The following PPM1D variants were observed in gnomAD, a reference collection of about 807,000 sequenced individuals.
PPM1D encodes protein phosphatase, Mg2+/Mn2+ dependent 1D, also known as protein phosphatase 1D.
PPM1D carries 52 observed loss-of-function variants against 58.3 expected under a neutral mutation model. The ratio of observed to expected loss-of-function variants is 0.89; its 90% CI spans 0.71 to 1.12. The LOEUF (loss-of-function observed/expected upper bound fraction) is 1.12. PPM1D is among the 50% of genes most tolerant of loss of function. PPM1D has a pLI of 0.00. For synonymous variants in PPM1D, 278 were observed against 285.1 expected, an observed-to-expected ratio of 0.98 and a Z score of 0.25; for missense variants, 564 against 777.2, an observed-to-expected ratio of 0.73 and a Z score of 3.26.
intron 2 of PPM1D, among the ~76,000 whole-genome samples, chr17:60,627,252 T>A (rs972951698): frequency 2.0e-5 from 3 of 152,166 alleles, no homozygotes; most frequent in African/African-American, 7.2e-5. Context: ...TCTTAGAAAC[T>A]CTGTTTGTTC....
intron 3 of PPM1D, among the ~76,000 whole-genome samples, chr17:60,645,582 A>ATATATATGTATATATATG (rs1555647684): frequency 7.7e-6 from 1 of 129,754 alleles, no homozygotes; most frequent in Non-Finnish European, 1.5e-5. Flanking sequence ...GTATATATAT[A>ATATATATGTATATATATG]TGTGTGTATA....
intron 4 of PPM1D, among the ~76,000 whole-genome samples, chr17:60,652,039 C>T (rs1005099057): frequency 5.3e-5 from 8 of 152,186 alleles, no homozygotes; most frequent in East Asian, 1.9e-4. Flanking sequence ...TTAAAAAATT[C>T]GAAGTATACT....
Position 60,636,176 on chromosome 17 carries a change from T to A in PPM1D, c.826+2199T>A, listed in dbSNP as rs140067475. On this transcript the variant is annotated intron_variant, in intron 3 of 5. Transcript: ENST00000305921. Reference sequence around the variant, plus strand: ...AAAGACATTTTGACTTCTACCTTGCTTTCTTGATCACTTGCTGTAGGGAAC... The same window carrying A: ...AAAGACATTTTGACTTCTACCTTGCATTCTTGATCACTTGCTGTAGGGAAC... Among the ~76,000 whole-genome samples, 322 of 152,366 alleles carry A rather than the reference T, an allele frequency of 2.1e-3. 1 individual carries two copies. Among genetic ancestry groups the A allele is most frequent in the African/African-American group, 7.3e-3 (302 of 41,586 alleles).
intron 2 of PPM1D, among the ~76,000 whole-genome samples, chr17:60,626,364 G>A (rs1270829703): frequency 6.6e-5 from 10 of 151,450 alleles, no homozygotes; most frequent in Non-Finnish European, 1.2e-4. Context: ...TTAAAAAAGA[G>A]GTGTCTCAAT....
intron 2 of PPM1D, among the ~76,000 whole-genome samples, chr17:60,629,186 G>T (rs937813856): frequency 6.6e-6 from 1 of 152,210 alleles, no homozygotes; most frequent in African/African-American, 2.4e-5. Flanking sequence ...CATCTTGGTA[G>T]GGAAGTTGTT....
At chr17:60,628,454 A>G (rs1050145144) in intron 2 of PPM1D, among the ~76,000 whole-genome samples, 3 of 152,138 alleles carry the variant, frequency 2.0e-5, no homozygotes, top group Non-Finnish European at 4.4e-5. Context: ...ATCCATCATT[A>G]TAGTATCATG....
Position 60,663,165 on chromosome 17 carries a change from T to C in PPM1D, c.1431T>C (p.Asn477=), listed in dbSNP as rs1204909934. The C allele has an allele frequency of 2.5e-6, 4 of 1,614,174 alleles. No homozygotes were observed. Among genetic ancestry groups the C allele is most frequent in the Non-Finnish European group, 3.4e-6 (4 of 1,180,008 alleles). Reference sequence around the variant, plus strand: ...AAGATCCAGAACCACTTGAAGAAAATTGCGCTAAAGCCCTGACTTTAAGGA... The same window carrying C: ...AAGATCCAGAACCACTTGAAGAAAACTGCGCTAAAGCCCTGACTTTAAGGA... ...PSKDPEPLEE[N]CAKALTLRIH... Residue 477 remains asparagine (N), a synonymous_variant, in exon 6 of 6, where the codon AAT becomes AAC. Transcript: ENST00000305921.
intron 1 of PPM1D, among the ~76,000 whole-genome samples, chr17:60,602,729 A>G (rs915048914): frequency 8.0e-5 from 12 of 150,444 alleles, no homozygotes; most frequent in Non-Finnish European, 1.3e-4. Flanking sequence ...GAAAAATGTT[A>G]AAGTTTGTTT....
chr17:60,656,580 C>T lies in PPM1D; in HGVS notation c.1018-19C>T. 6.2e-7 allele frequency: 1 copy of T among 1,610,166 alleles called. No homozygotes were observed. Among genetic ancestry groups the T allele is most frequent in the Non-Finnish European group, 8.5e-7 (1 of 1,176,990 alleles). On this transcript the variant is annotated intron_variant, in intron 4 of 5. Transcript: ENST00000305921. Reference sequence around the variant, plus strand: ...CTAAATCTGAGTTACTTTCCTTCTCCTTGTTCTTTTGAATACAGGGTGAGC... The same window carrying T: ...CTAAATCTGAGTTACTTTCCTTCTCTTTGTTCTTTTGAATACAGGGTGAGC...
intron 1 of PPM1D, among the ~76,000 whole-genome samples, chr17:60,610,748 G>A (rs1010358442): frequency 1.3e-5 from 2 of 152,152 alleles, no homozygotes; most frequent in Non-Finnish European, 2.9e-5. Context: ...GTATTTTCTG[G>A]TCTTTCATAG....
chr17:60,600,833 C>G lies in PPM1D; in HGVS notation c.419C>G (p.Ala140Gly). 6.2e-7 allele frequency: 1 copy of G among 1,613,080 alleles called. No individual in the cohort carries two copies. Among genetic ancestry groups the G allele is most frequent in the Non-Finnish European group, 8.5e-7 (1 of 1,180,030 alleles). ...TCGTCCGAGCCGGCTAAGGTTTGCG[C>G]TGCCATCCGCAAAGGCTTTCTCGCT... The part of the protein sequence containing the change: ...FTSSEPAKVC[A>G]AIRKGFLACH... The change falls in exon 1 of 6, where the codon GCT (alanine) becomes GGT (glycine). Residue 140 changes from alanine to glycine, a missense_variant. This residue lies in a region of PPM1D where 95 missense variants were observed against 232.6 expected (regional missense o/e 0.41). Coordinates refer to ENST00000305921, the MANE Select transcript of PPM1D (RefSeq NM_003620.4).
chr17:60,663,708 G>A lies in PPM1D; in HGVS notation c.*156G>A. 1 of 751,752 alleles carries A rather than the reference G, an allele frequency of 1.3e-6. No individual in the cohort carries two copies. Among genetic ancestry groups the A allele is most frequent in the East Asian group, 2.7e-5 (1 of 36,458 alleles). The allele number at this position is 751,752 out of a possible 1,614,324, so 46.6% of individuals were successfully genotyped here. ...GCAGTTTTATCCTGGCCTTGTACTTGCTTGTATTGTAAATGTGGATTTTGT... is the reference window on the plus strand; with the variant it reads ...GCAGTTTTATCCTGGCCTTGTACTTACTTGTATTGTAAATGTGGATTTTGT... On this transcript the variant is annotated 3_prime_UTR_variant, in exon 6 of 6. Coordinates refer to ENST00000305921, the MANE Select transcript of PPM1D (RefSeq NM_003620.4).
chr17:60,623,837 T>A, intron 2 of PPM1D, 88 bp downstream of exon 2: 1 of 1,261,822 alleles, frequency 7.9e-7, no homozygotes, highest in Non-Finnish European at 1.1e-6. Context: ...TACTGTCCCT[T>A]TTACTGAAGT....
chr17:60,664,240 T>A lies in PPM1D; in HGVS notation c.*688T>A, dbSNP rs866636580. On this transcript the variant is annotated 3_prime_UTR_variant, in exon 6 of 6. Coordinates refer to ENST00000305921, the MANE Select transcript of PPM1D (RefSeq NM_003620.4). Reference sequence around the variant, plus strand: ...AATCTTCAGCATAGAAGGAAGTGTGTTTGCCTAAAACAATCTAAAACAATT... The same window carrying A: ...AATCTTCAGCATAGAAGGAAGTGTGATTGCCTAAAACAATCTAAAACAATT... 2 of 152,642 alleles carry A rather than the reference T, an allele frequency of 1.3e-5. No homozygotes were observed. The highest frequency in any genetic ancestry group is 3.2e-3 in the Middle Eastern group (1 of 316). The allele number at this position is 152,642 out of a possible 1,614,324, so 9.5% of individuals were successfully genotyped here. A position where few individuals can be genotyped will look rare whatever the true frequency, so the allele number is the denominator to read the frequency against.
chr17:60,650,363 C>A (rs1034099494), intron 4 of PPM1D, among the ~76,000 whole-genome samples: 2 of 152,162 alleles, frequency 1.3e-5, no homozygotes, highest in African/African-American at 2.4e-5. Context: ...CCGGCCTGGC[C>A]AACATGGTGA....
intron 2 of PPM1D, among the ~76,000 whole-genome samples, chr17:60,632,165 G>T (rs968619550): frequency 1.8e-4 from 27 of 151,842 alleles, no homozygotes; most frequent in African/African-American, 6.5e-4. Flanking sequence ...CTGCACTCCA[G>T]CCTGGGTGAC....
intron 2 of PPM1D, among the ~76,000 whole-genome samples, chr17:60,633,478 G>T (rs890824067): frequency 2.6e-5 from 4 of 151,948 alleles, no homozygotes; most frequent in Non-Finnish European, 5.9e-5. Flanking sequence ...TGTGATTCTC[G>T]GCTCACTGCA....
chr17:60,610,176 C>CAA (rs57245998), intron 1 of PPM1D, among the ~76,000 whole-genome samples: 2,679 of 69,776 alleles, frequency 0.038, 93 homozygotes, highest in African/African-American at 0.1. Flanking sequence ...GAGACTGTCT[C>CAA]AAAAAAAAAA....
Position 60,600,701 on chromosome 17 carries a change from C to T in PPM1D, c.287C>T (p.Ser96Phe), listed in dbSNP as rs1003177475. 2 of 1,601,150 alleles carry T rather than the reference C, an allele frequency of 1.2e-6. No homozygotes were observed. The highest frequency in any genetic ancestry group is 1.1e-5 in the South Asian group (1 of 90,294). The change falls in exon 1 of 6, where the codon TCC (serine) becomes TTC (phenylalanine). Residue 96 changes from serine to phenylalanine, a missense_variant. Ser to Phe is a radical substitution (Grantham distance 155). This residue lies in a region of PPM1D where 132 missense variants were observed against 150.4 expected (regional missense o/e 0.88). Transcript: ENST00000305921. Reference protein sequence around the residue: ...PAPSRCCRRRSSVAFFAVCDG... With the variant: ...PAPSRCCRRRFSVAFFAVCDG... ...CCTAGCCGCTGCTGCCGCCGCCGTT[C>T]CTCCGTGGCCTTTTTCGCCGTGTGC...
Sources: gnomAD v4.1 joint callset for allele counts (sites outside exome capture counted in the v4.1 genomes callset) on GRCh38, gnomAD v4.1.1 for gene constraint, gnomAD v4.1.1 regional missense constraint, MANE v1.5 for transcripts, NCBI Gene and HGNC (gene_info 2026-07-23, HGNC 2026-07-21) for gene names.